The following SIAH1 variants were observed in gnomAD, a reference collection of about 807,000 sequenced individuals.
SIAH1 encodes the protein siah E3 ubiquitin protein ligase 1, also known as E3 ubiquitin-protein ligase SIAH1.
A neutral mutation model predicts 20.0 loss-of-function variants in SIAH1; 2 were observed. The ratio of observed to expected loss-of-function variants is 0.10; its 90% CI spans 0.04 to 0.31. The LOEUF (loss-of-function observed/expected upper bound fraction) is 0.31. Ranked by LOEUF, SIAH1 falls within the 10% of genes least tolerant of loss-of-function variation. SIAH1 has a pLI of 1.00. For synonymous variants in SIAH1, 118 were observed against 125.3 expected (o/e 0.94, Z 0.39); for missense variants, 119 against 355.3 (o/e 0.33, Z 5.35).
At chr16:48,365,662 C>A in intron 1 of SIAH1, 1 of 1,432,086 alleles carries the variant, frequency 7.0e-7, no homozygotes, top group Non-Finnish European at 9.1e-7. Context: ...CCCCAGGAGG[C>A]AACCACACCT....
intron 1 of SIAH1, among the ~76,000 whole-genome samples, chr16:48,375,206 T>C (rs1467317838): frequency 6.6e-6 from 1 of 152,168 alleles, no homozygotes; most frequent in Non-Finnish European, 1.5e-5. Flanking sequence ...TTTGTAATAG[T>C]AAACTGAAAA....
At chr16:48,383,102 T>C (rs1961341257) in intron 1 of SIAH1, among the ~76,000 whole-genome samples, 1 of 152,220 alleles carries the variant, frequency 6.6e-6, no homozygotes, top group African/African-American at 2.4e-5. Flanking sequence ...TGCATTAACA[T>C]TGTTTCTGAA....
Position 48,371,550 on chromosome 16 carries a change from T to C in SIAH1, c.-2-9120A>G, listed in dbSNP as rs73562063. 2.6e-5 allele frequency among the ~76,000 whole-genome samples: 4 copies of C among 152,212 alleles called. No homozygotes were observed. In the East Asian group the frequency reaches 7.7e-4, roughly 29 times the overall value. On this transcript the variant is annotated intron_variant, in intron 1 of 1. Transcript: ENST00000394725. ...TTAGATATGAAATCAAAGCAAAGTA[T>C]GTATCATGGAGAGGAAAGAGCAGAG... is the stretch of plus-strand genomic sequence containing the variant.
chr16:48,370,070 T>C (rs528917848), intron 1 of SIAH1, among the ~76,000 whole-genome samples: 1 of 152,332 alleles, frequency 6.6e-6, no homozygotes, highest in South Asian at 2.1e-4. Context: ...ATGATGTAAG[T>C]GAAAGAAAAG....
intron 1 of SIAH1, among the ~76,000 whole-genome samples, chr16:48,383,901 T>A (rs1433076953): frequency 1.3e-5 from 2 of 152,252 alleles, no homozygotes; most frequent in African/African-American, 4.8e-5. Context: ...TAAACTACAG[T>A]CTTAACAGTA....
intron 1 of SIAH1, among the ~76,000 whole-genome samples, chr16:48,380,013 G>C (rs116319190): frequency 2.6e-3 from 392 of 152,298 alleles, no homozygotes; most frequent in African/African-American, 9.0e-3. Flanking sequence ...TGTAAGGCTG[G>C]AGACCAAAAG....
chr16:48,380,295 C>G (rs1353371535), intron 1 of SIAH1, among the ~76,000 whole-genome samples: 1 of 151,588 alleles, frequency 6.6e-6, no homozygotes, highest in East Asian at 2.0e-4. Context: ...AAAAATTAGC[C>G]GAGCACGGTG....
At chr16:48,368,872 G>A (rs936732735) in intron 1 of SIAH1, among the ~76,000 whole-genome samples, 21 of 152,058 alleles carry the variant, frequency 1.4e-4, no homozygotes, top group African/African-American at 5.1e-4. Context: ...CTTTCCATTA[G>A]AAATCTTAAT....
chr16:48,375,575 G>C (rs1441672889), intron 1 of SIAH1, among the ~76,000 whole-genome samples: 1 of 151,960 alleles, frequency 6.6e-6, no homozygotes, highest in East Asian at 1.9e-4. Flanking sequence ...GAGTTAGAGG[G>C]TATAGTGAGA....
At chr16:48,365,450 G>A (rs74017934) in intron 1 of SIAH1, 26 of 1,613,752 alleles carry the variant, frequency 1.6e-5, no homozygotes, top group Admixed American at 1.0e-4. Flanking sequence ...CAGGAGTACA[G>A]AGAAGGTGGA....
At position 48,362,849 on chromosome 16, in the gene SIAH1, G is replaced by C. The variant is rs912348182; in HGVS notation, c.-2-419C>G. 5.7e-6 allele frequency: 1 copy of C among 175,970 alleles called. No individual in the cohort carries two copies. The highest frequency in any genetic ancestry group is 6.0e-5 in the Admixed American group (1 of 16,542). The allele number at this position is 175,970 out of a possible 1,614,324, so 10.9% of individuals were successfully genotyped here. On this transcript the variant is annotated intron_variant, in intron 1 of 1. Coordinates refer to ENST00000394725, the MANE Select transcript of SIAH1 (RefSeq NM_003031.4). This position sits in a 1 kb window ranked among gnomAD's most constrained non-coding sequence, Gnocchi z 4.2. ...TCTAATTTGGAGTCAGCTGTTGATA[G>C]GTACAGGGAGTTACAGGTGAACTCC...
At chr16:48,379,920 G>C (rs1366755934) in intron 1 of SIAH1, among the ~76,000 whole-genome samples, 2 of 152,240 alleles carry the variant, frequency 1.3e-5, no homozygotes, top group South Asian at 2.1e-4. Flanking sequence ...ACCATATCAA[G>C]AACTTAGAAC....
chr16:48,367,970 A>G (rs1276089276), intron 1 of SIAH1, among the ~76,000 whole-genome samples: 1 of 152,214 alleles, frequency 6.6e-6, no homozygotes, highest in Non-Finnish European at 1.5e-5. Context: ...AACATTTTAG[A>G]ATCAGCCTTT....
chr16:48,382,323 A>T (rs1206280416), intron 1 of SIAH1, among the ~76,000 whole-genome samples: 1 of 152,118 alleles, frequency 6.6e-6, no homozygotes. Context: ...GTTGGAGGCC[A>T]CAATAAGCTA....
chr16:48,372,180 C>T (rs945732175), intron 1 of SIAH1, among the ~76,000 whole-genome samples: 2 of 152,076 alleles, frequency 1.3e-5, no homozygotes, highest in African/African-American at 4.8e-5. Flanking sequence ...ATTGATGGCT[C>T]TTTACTAGTA....
chr16:48,383,650 A>AT (rs533215488), intron 1 of SIAH1, among the ~76,000 whole-genome samples: 1 of 152,120 alleles, frequency 6.6e-6, no homozygotes, highest in African/African-American at 2.4e-5. Flanking sequence ...AATCAATTTG[A>AT]TTTTTTTTAA....
chr16:48,362,654 C>T lies in SIAH1; in HGVS notation c.-2-224G>A. The T allele has an allele frequency of 2.0e-6, 1 of 504,090 alleles. No homozygotes were observed. The highest frequency in any genetic ancestry group is 3.7e-5 in the East Asian group (1 of 26,812). The allele number at this position is 504,090 out of a possible 1,614,324, so 31.2% of individuals were successfully genotyped here. A position where few individuals can be genotyped will look rare whatever the true frequency, so the allele number is the denominator to read the frequency against. On this transcript the variant is annotated intron_variant, in intron 1 of 1. Transcript: ENST00000394725. The surrounding 1 kb of genome is among the most constrained non-coding windows in gnomAD (Gnocchi z 4.2). ...GGATAAGCTCTCTTTTCAAAATGTT[C>T]CGGAAAACATGTGGAACTCCCTTAA...
chr16:48,380,925 T>C (rs1222157604), intron 1 of SIAH1, among the ~76,000 whole-genome samples: 1 of 562 alleles, frequency 1.8e-3, no homozygotes, highest in Non-Finnish European at 3.2e-3. Flanking sequence ...TGAGACTCCG[T>C]CTCAAAAAAA....
At chr16:48,384,972 C>T (rs1281399135) in intron 1 of SIAH1, among the ~76,000 whole-genome samples, 3 of 146,500 alleles carry the variant, frequency 2.0e-5, no homozygotes, top group Admixed American at 6.8e-5. Context: ...GGGCCCGGGG[C>T]TCCAGGGGCG....
Sources: allele counts gnomAD v4.1 joint callset (sites outside exome capture counted in the v4.1 genomes callset), GRCh38; gene constraint gnomAD v4.1.1; non-coding constraint Gnocchi (gnomAD v3.1); transcripts MANE v1.5; gene names NCBI Gene and HGNC (gene_info 2026-07-23, HGNC 2026-07-21).